Variants in LATS1 observed in about 807,000 individuals in gnomAD.
LATS1 encodes large tumor suppressor kinase 1, also known as serine/threonine-protein kinase LATS1.
LATS1 carries 25 observed loss-of-function variants against 106.6 expected under a neutral mutation model. The ratio of observed to expected loss-of-function variants is 0.23; its 90% CI spans 0.17 to 0.33. The LOEUF (loss-of-function observed/expected upper bound fraction) is 0.33, where lower values mean the gene tolerates loss of function less well. LATS1 is among the 10% of genes least tolerant of loss of function. The probability of loss-of-function intolerance (pLI) is 1.00; values close to 1 mark genes in which losing one functional copy is unlikely to be tolerated. For synonymous variants in LATS1, 465 were observed against 455.6 expected (o/e 1.02, Z -0.26); for missense variants, 1,040 against 1,382.6 (o/e 0.75, Z 3.93).
chr6:149,710,054 C>T (rs998728427), intron 1 of LATS1, among the ~76,000 whole-genome samples: 1 of 152,164 alleles, frequency 6.6e-6, no homozygotes, highest in African/African-American at 2.4e-5. Context: ...GACCAACTGC[C>T]AATCAGAAAA....
Position 149,660,853 on chromosome 6 carries a change from T to C in LATS1, c.*876A>G, listed in dbSNP as rs1324870527. The C allele has an allele frequency of 4.7e-6, 1 of 212,338 alleles. No individual in the cohort carries two copies. Among genetic ancestry groups the C allele is most frequent in the East Asian group, 7.1e-5 (1 of 14,004 alleles). 13.2% of individuals were successfully genotyped at this position (212,338 alleles called of 1,614,324 possible). ...AAGAGGAAACAGGTAACATTGATGA[T>C]ATAATCAAAATAGTTACTATACAGG... On this transcript the variant is annotated 3_prime_UTR_variant, in exon 8 of 8. Coordinates refer to ENST00000543571, the MANE Select transcript of LATS1 (RefSeq NM_004690.4).
At chr6:149,668,970 ACCAGCAT>A (rs1268634238) in intron 7 of LATS1, among the ~76,000 whole-genome samples, 1 of 151,704 alleles carries the variant, frequency 6.6e-6, no homozygotes, top group Non-Finnish European at 1.5e-5. Flanking sequence ...ACTGCCACAC[ACCAGCAT>A]GCTAGGCTAA....
rs191162901 is a variant in LATS1, at chr6:149,683,438, T to C, written c.1651A>G (p.Asn551Asp). 1.5e-5 allele frequency: 24 copies of C among 1,614,164 alleles called. No individual in the cohort carries two copies. The Admixed American group carries it at 2.0e-4, about 13-fold the overall frequency. Residue 551 changes from asparagine (N) to aspartate (D), a missense_variant, in exon 4 of 8, where the codon AAC (asparagine) becomes GAC (aspartate). Transcript: ENST00000543571. ...TVMPPVAEAP[N>D]YQGPPPPYPK... ...TAGGGTGGTGGTGGTCCTTGATAGT[T>C]TGGAGCTTCAGCAACAGGTGGCATC...
intron 1 of LATS1, among the ~76,000 whole-genome samples, chr6:149,706,224 A>AAAAAAAC (rs1783763929): frequency 9.2e-6 from 1 of 108,272 alleles, no homozygotes; most frequent in Non-Finnish European, 1.8e-5. Context: ...AAAAAAAAAA[A>AAAAAAAC]GATATTCCTG....
intron 3 of LATS1, among the ~76,000 whole-genome samples, chr6:149,693,771 T>C (rs965118669): frequency 6.6e-6 from 1 of 151,948 alleles, no homozygotes; most frequent in African/African-American, 2.4e-5. Flanking sequence ...GGCATTCTCA[T>C]AGTAAACGGA....
intron 3 of LATS1, among the ~76,000 whole-genome samples, chr6:149,686,669 G>C (rs1347018134): frequency 6.6e-6 from 1 of 152,152 alleles, no homozygotes; most frequent in African/African-American, 2.4e-5. Context: ...TGTTCTTACA[G>C]GTTGATATTA....
intron 1 of LATS1, among the ~76,000 whole-genome samples, chr6:149,707,422 C>T (rs1027177607): frequency 6.6e-6 from 1 of 152,122 alleles, no homozygotes; most frequent in Non-Finnish European, 1.5e-5. Context: ...GGGAGGATCA[C>T]TTGAGGCAAG....
Position 149,661,661 on chromosome 6 carries a change from C to G in LATS1, c.*68G>C. 7.2e-7 allele frequency: 1 copy of G among 1,379,496 alleles called. No homozygotes were observed. Among genetic ancestry groups the G allele is most frequent in the South Asian group, 1.4e-5 (1 of 69,036 alleles). 85.5% of individuals were successfully genotyped at this position (1,379,496 alleles called of 1,614,324 possible). ...TGTCATATTTGCATAATTTTACTCTCAGAACCTCAAAACACCTCGCATTTC... is the reference window on the plus strand; with the variant it reads ...TGTCATATTTGCATAATTTTACTCTGAGAACCTCAAAACACCTCGCATTTC... On this transcript the variant is annotated 3_prime_UTR_variant, in exon 8 of 8. Transcript: ENST00000543571.
intron 2 of LATS1, among the ~76,000 whole-genome samples, chr6:149,700,877 G>C (rs1393859374): frequency 6.6e-6 from 1 of 152,130 alleles, no homozygotes; most frequent in Non-Finnish European, 1.5e-5. Context: ...TCTGCCTCCC[G>C]GGTTCAAGAG....
intron 2 of LATS1, among the ~76,000 whole-genome samples, chr6:149,698,322 C>T (rs993297746): frequency 1.3e-5 from 2 of 151,204 alleles, no homozygotes; most frequent in African/African-American, 2.4e-5. Context: ...CAACTCATTG[C>T]GACCCAATCT....
At chr6:149,677,054 C>A (rs1781762605) in intron 5 of LATS1, among the ~76,000 whole-genome samples, 1 of 152,176 alleles carries the variant, frequency 6.6e-6, no homozygotes. Context: ...CTACTCTGGA[C>A]AAACTTTCAA....
intron 3 of LATS1, 104 bp from the exon 4 acceptor site, chr6:149,684,696 C>A (rs915896192): frequency 5.3e-6 from 4 of 750,926 alleles, no homozygotes; most frequent in Non-Finnish European, 8.3e-6. Context: ...ATACTCAATT[C>A]TCTTTCAAGA....
chr6:149,673,038 A>G (rs928063374), intron 7 of LATS1, among the ~76,000 whole-genome samples: 1 of 151,204 alleles, frequency 6.6e-6, no homozygotes, highest in Non-Finnish European at 1.5e-5. Flanking sequence ...ATAGAAAATT[A>G]TATCATTTTT....
At position 149,661,667 on chromosome 6, in the gene LATS1, C is replaced by G. The variant is rs778440039; in HGVS notation, c.*62G>C. On this transcript the variant is annotated 3_prime_UTR_variant, in exon 8 of 8. Transcript: ENST00000543571. ...ATTTGCATAATTTTACTCTCAGAACCTCAAAACACCTCGCATTTCAGGCCC... is the reference window on the plus strand; with the variant it reads ...ATTTGCATAATTTTACTCTCAGAACGTCAAAACACCTCGCATTTCAGGCCC... 2.6e-5 allele frequency: 37 copies of G among 1,431,986 alleles called. No individual in the cohort carries two copies. Among genetic ancestry groups the G allele is most frequent in the Non-Finnish European group, 3.4e-5 (36 of 1,067,392 alleles). The allele number at this position is 1,431,986 out of a possible 1,614,324, so 88.7% of individuals were successfully genotyped here.
At chr6:149,699,683 C>A (rs994231360) in intron 2 of LATS1, among the ~76,000 whole-genome samples, 1 of 152,010 alleles carries the variant, frequency 6.6e-6, no homozygotes, top group African/African-American at 2.4e-5. Flanking sequence ...GTTATTATTA[C>A]CAATAATGAA....
intron 7 of LATS1, among the ~76,000 whole-genome samples, chr6:149,675,180 G>A (rs1004461099): frequency 7.4e-5 from 11 of 148,592 alleles, no homozygotes; most frequent in African/African-American, 2.8e-4. Flanking sequence ...TCACGCCACT[G>A]CACTCTAGCC....
intron 7 of LATS1, among the ~76,000 whole-genome samples, chr6:149,667,765 T>A (rs1442441555): frequency 6.6e-6 from 1 of 152,216 alleles, no homozygotes; most frequent in East Asian, 1.9e-4. Context: ...ATAATTACGA[T>A]ACAGAAAAAA....
At chr6:149,689,901 T>G (rs967744683) in intron 3 of LATS1, among the ~76,000 whole-genome samples, 1 of 152,124 alleles carries the variant, frequency 6.6e-6, no homozygotes, top group East Asian at 1.9e-4. Context: ...CAAGTATCTC[T>G]TGAATATTTA....
rs1434078274 is a variant in LATS1, at chr6:149,659,044, A to T, written c.*2685T>A. On this transcript the variant is annotated 3_prime_UTR_variant, in exon 8 of 8. Coordinates refer to ENST00000543571, the MANE Select transcript of LATS1 (RefSeq NM_004690.4). ...GAAGCACCAGATTCTATACTGGAAG[A>T]AGTAGATGTAGTTTTGGAATAAGAT... The T allele has an allele frequency of 6.5e-6, 1 of 153,000 alleles. No homozygotes were observed. Among genetic ancestry groups the T allele is most frequent in the Non-Finnish European group, 1.5e-5 (1 of 68,522 alleles). The allele number at this position is 153,000 out of a possible 1,614,324, so 9.5% of individuals were successfully genotyped here. A position where few individuals can be genotyped will look rare whatever the true frequency, so the allele number is the denominator to read the frequency against.
Sources: allele counts gnomAD v4.1 joint callset (sites outside exome capture counted in the v4.1 genomes callset), GRCh38; gene constraint gnomAD v4.1.1; transcripts MANE v1.5; gene names NCBI Gene and HGNC (gene_info 2026-07-23, HGNC 2026-07-21).